The following GRM8 variants were observed in gnomAD, a reference collection of about 807,000 sequenced individuals.
The protein encoded by GRM8 is metabotropic glutamate receptor 8.
A neutral mutation model predicts 87.2 loss-of-function variants in GRM8; 47 were observed. The observed-to-expected ratio is 0.54, with a 90% CI of 0.43 to 0.69. The LOEUF (loss-of-function observed/expected upper bound fraction) is 0.69. Ranked by LOEUF, GRM8 falls within the 30% of genes least tolerant of loss-of-function variation. GRM8 has a pLI of 0.00. For missense variants in GRM8, 1,019 were observed against 1,139.2 expected, an observed-to-expected ratio of 0.89 and a Z score of 1.52; for synonymous variants, 396 against 404.5, an observed-to-expected ratio of 0.98 and a Z score of 0.25.
intron 2 of GRM8, among the ~76,000 whole-genome samples, chr7:127,192,885 T>A (rs563921079): frequency 1.3e-5 from 2 of 152,286 alleles, no homozygotes; most frequent in African/African-American, 2.4e-5. Flanking sequence ...CTGACCTATT[T>A]ATCCCCTTCC....
At chr7:126,713,020 T>C (rs1229662402) in intron 7 of GRM8, among the ~76,000 whole-genome samples, 1 of 152,156 alleles carries the variant, frequency 6.6e-6, no homozygotes, top group East Asian at 1.9e-4. Flanking sequence ...AATTCAACTA[T>C]TGTGGAAGGC....
chr7:127,203,035 A>G (rs1795697900), intron 2 of GRM8, among the ~76,000 whole-genome samples: 1 of 152,234 alleles, frequency 6.6e-6, no homozygotes. Flanking sequence ...GCCAAATGCT[A>G]CATACCAAGT....
chr7:127,057,192 C>T (rs1370175823), intron 3 of GRM8, among the ~76,000 whole-genome samples: 1 of 152,028 alleles, frequency 6.6e-6, no homozygotes, highest in Non-Finnish European at 1.5e-5. Flanking sequence ...ATTTTTATGC[C>T]ACTGTCTTAT....
In GRM8 at chr7:126,449,339, TC is replaced by T. The variant is rs199788984; in HGVS notation, c.2431-2968del. ...TCTGAACAGTAAGTTCTTATCTATG[TC>T]ACAGGGTGGGGTTGGGGGTAATACT... On this transcript the variant is annotated intron_variant, in intron 9 of 10. Coordinates refer to ENST00000339582, the MANE Select transcript of GRM8 (RefSeq NM_000845.3). 6.9e-3 allele frequency among the ~76,000 whole-genome samples: 1,049 copies of T among 151,954 alleles called. 11 individuals are homozygous for T. Among genetic ancestry groups the T allele is most frequent in the African/African-American group, 0.023 (945 of 41,514 alleles).
At chr7:126,634,484 A>C (rs942137977) in intron 7 of GRM8, among the ~76,000 whole-genome samples, 2 of 152,130 alleles carry the variant, frequency 1.3e-5, no homozygotes, top group Non-Finnish European at 2.9e-5. Context: ...GCATTTCAAA[A>C]CTTAGCTCTA....
chr7:126,635,494 A>G (rs1339279071), intron 7 of GRM8, among the ~76,000 whole-genome samples: 1 of 152,186 alleles, frequency 6.6e-6, no homozygotes, highest in Non-Finnish European at 1.5e-5. Flanking sequence ...CTAACTTTAT[A>G]GAGTTTTAAT....
At chr7:126,902,729 A>G (rs747689670) in intron 5 of GRM8, 50 bp from the exon 6 acceptor site, 221 of 1,338,962 alleles carry the variant, frequency 1.7e-4, no homozygotes, top group Non-Finnish European at 2.2e-4. Flanking sequence ...AAAATTAAAT[A>G]TTGTCAGAAC....
chr7:127,220,209 T>C (rs1462017137), intron 2 of GRM8, among the ~76,000 whole-genome samples: 1 of 152,152 alleles, frequency 6.6e-6, no homozygotes, highest in Non-Finnish European at 1.5e-5. Flanking sequence ...CAACTTTATC[T>C]TTTCTCACTA....
intron 7 of GRM8, among the ~76,000 whole-genome samples, chr7:126,648,027 A>T (rs748711747): frequency 6.6e-6 from 1 of 152,192 alleles, no homozygotes; most frequent in South Asian, 2.1e-4. Flanking sequence ...TAGCTGCATC[A>T]TATGTGCCAT....
At chr7:126,502,803 T>C (rs967980992) in intron 9 of GRM8, among the ~76,000 whole-genome samples, 2 of 152,088 alleles carry the variant, frequency 1.3e-5, no homozygotes, top group African/African-American at 4.8e-5. Flanking sequence ...GTGTCCAATA[T>C]GGACTCAGAG....
intron 2 of GRM8, among the ~76,000 whole-genome samples, chr7:127,179,259 G>A (rs1794296475): frequency 6.6e-6 from 1 of 151,988 alleles, no homozygotes; most frequent in Non-Finnish European, 1.5e-5. Context: ...AGACAAAGAG[G>A]GACATCACAT....
intron 8 of GRM8, among the ~76,000 whole-genome samples, chr7:126,589,281 G>A (rs569315456): frequency 3.3e-5 from 5 of 152,218 alleles, no homozygotes; most frequent in South Asian, 4.2e-4. Context: ...GTGCTATTGC[G>A]GGGAGGCACA....
intron 2 of GRM8, among the ~76,000 whole-genome samples, chr7:127,114,479 G>C (rs1319707236): frequency 6.6e-6 from 1 of 152,154 alleles, no homozygotes; most frequent in Non-Finnish European, 1.5e-5. Flanking sequence ...CAGTTAGTAG[G>C]TTTAAGGTCA....
At position 126,439,114 on chromosome 7, in the gene GRM8, C is replaced by T; in HGVS notation, c.*5G>A. The T allele has an allele frequency of 6.4e-7, 1 of 1,553,640 alleles. No individual in the cohort carries two copies. Among genetic ancestry groups the T allele is most frequent in the South Asian group, 1.1e-5 (1 of 89,876 alleles). ...CATCTCTTCAGATTGTGCCATTTCC[C>T]TGTTTCAGATTGAATGATTGCTGTA... On this transcript the variant is annotated 3_prime_UTR_variant, in exon 11 of 11. Coordinates refer to ENST00000339582, the MANE Select transcript of GRM8 (RefSeq NM_000845.3).
chr7:126,981,506 C>A (rs1811524382), intron 3 of GRM8, among the ~76,000 whole-genome samples: 1 of 152,172 alleles, frequency 6.6e-6, no homozygotes, highest in Non-Finnish European at 1.5e-5. Context: ...GGAAGTTGAG[C>A]ATGCTAAAGT....
rs145396179 is a variant in GRM8 at position 126,461,638 on chromosome 7, A to T, written c.2431-15266T>A. 8.6e-5 allele frequency among the ~76,000 whole-genome samples: 13 copies of T among 151,422 alleles called. No individual in the cohort carries two copies. The East Asian group carries it at 2.5e-3, about 30-fold the overall frequency. ...TTCAACTCTACATCCTCTTTCTTTC[A>T]TCCTTGTTCCCGTATCTGCCATCAG... On this transcript the variant is annotated intron_variant, in intron 9 of 10. Coordinates refer to ENST00000339582, the MANE Select transcript of GRM8 (RefSeq NM_000845.3).
chr7:126,578,362 G>A (rs1795296744), intron 8 of GRM8, among the ~76,000 whole-genome samples: 1 of 152,152 alleles, frequency 6.6e-6, no homozygotes, highest in Non-Finnish European at 1.5e-5. Flanking sequence ...GGAAATAACA[G>A]AAAAGAGAAG....
At chr7:126,991,979 G>A (rs1438244969) in intron 3 of GRM8, among the ~76,000 whole-genome samples, 1 of 151,810 alleles carries the variant, frequency 6.6e-6, no homozygotes, top group Non-Finnish European at 1.5e-5. Flanking sequence ...TTAAGCTATG[G>A]AATCTGAAAA....
At chr7:126,999,870 A>G (rs1219115392) in intron 3 of GRM8, among the ~76,000 whole-genome samples, 4 of 151,826 alleles carry the variant, frequency 2.6e-5, no homozygotes, top group African/African-American at 9.7e-5. Flanking sequence ...TGCGATCTAG[A>G]AATCCCACCC....
Sources: allele counts gnomAD v4.1 joint callset (sites outside exome capture counted in the v4.1 genomes callset), GRCh38; gene constraint gnomAD v4.1.1; transcripts MANE v1.5; gene names NCBI Gene and HGNC (gene_info 2026-07-23, HGNC 2026-07-21).